Variants in CDH13 observed in about 807,000 individuals in gnomAD.
CDH13 encodes cadherin 13.
Under a neutral mutation model 63.8 loss-of-function variants are expected in CDH13, and 24 were observed. The observed-to-expected ratio is 0.38, with a 90% CI of 0.27 to 0.53. CDH13 has a LOEUF of 0.53. Among genes scored for constraint, CDH13 ranks in the 20% least tolerant of loss-of-function variants. The probability of loss-of-function intolerance (pLI) is 0.85; values close to 1 mark genes in which losing one functional copy is unlikely to be tolerated. For synonymous variants in CDH13, 503 were observed against 355.3 expected (o/e 1.42, Z -4.67); for missense variants, 1,049 against 903.1 (o/e 1.16, Z -2.07).
At chr16:82,941,130 G>A (rs1904281774) in intron 2 of CDH13, among the ~76,000 whole-genome samples, 1 of 152,198 alleles carries the variant, frequency 6.6e-6, no homozygotes, top group African/African-American at 2.4e-5. Flanking sequence ...AGCTCTGAAA[G>A]CTGACCAGAG....
At chr16:82,998,201 C>G (rs1912462221) in intron 2 of CDH13, among the ~76,000 whole-genome samples, 1 of 152,150 alleles carries the variant, frequency 6.6e-6, no homozygotes. Flanking sequence ...CCTCACTTTG[C>G]TTGTATCATT....
At chr16:83,384,656 G>A (rs993754769) in intron 6 of CDH13, among the ~76,000 whole-genome samples, 2 of 152,222 alleles carry the variant, frequency 1.3e-5, no homozygotes, top group Non-Finnish European at 2.9e-5. Flanking sequence ...TGGGATCCGA[G>A]GGTATGGAGA....
chr16:83,050,150 CT>C (rs1404511781), intron 3 of CDH13, among the ~76,000 whole-genome samples: 1 of 152,110 alleles, frequency 6.6e-6, no homozygotes, highest in African/African-American at 2.4e-5. Context: ...AAAAAAAACC[CT>C]GCTTATTGAC....
intron 1 of CDH13, among the ~76,000 whole-genome samples, chr16:82,808,698 A>G (rs566071196): frequency 2.0e-5 from 3 of 152,338 alleles, no homozygotes; most frequent in Admixed American, 6.5e-5. Flanking sequence ...GGCACAGGTT[A>G]GGCAATTTTA....
intron 5 of CDH13, among the ~76,000 whole-genome samples, chr16:83,331,861 A>T (rs1470088417): frequency 1.3e-5 from 2 of 152,100 alleles, no homozygotes; most frequent in Admixed American, 1.3e-4. Flanking sequence ...CTTTTATAAC[A>T]TTGTGTTGAT....
intron 8 of CDH13, among the ~76,000 whole-genome samples, chr16:83,626,480 C>G (rs1009188005): frequency 6.6e-6 from 1 of 152,132 alleles, no homozygotes; most frequent in Non-Finnish European, 1.5e-5. Flanking sequence ...TGCTGGGGAC[C>G]TAAAGATGAG....
At chr16:83,732,097 G>A (rs1252801066) in intron 10 of CDH13, among the ~76,000 whole-genome samples, 2 of 152,198 alleles carry the variant, frequency 1.3e-5, no homozygotes, top group African/African-American at 2.4e-5. Context: ...TAGCCCTGAG[G>A]ATAGCAGTGA....
chr16:83,006,276 C>A (rs1234666803), intron 2 of CDH13, among the ~76,000 whole-genome samples: 1 of 152,078 alleles, frequency 6.6e-6, no homozygotes, highest in African/African-American at 2.4e-5. Context: ...GCTTTTAGAC[C>A]CCAGTGATGA....
At chr16:82,847,895 C>CT (rs33934390) in intron 1 of CDH13, among the ~76,000 whole-genome samples, 71,144 of 139,852 alleles carry the variant, frequency 0.51, 19,729 homozygotes, top group Non-Finnish European at 0.65. Context: ...TTGTGCTTCA[C>CT]TTTTTTTTTT....
intron 5 of CDH13, among the ~76,000 whole-genome samples, chr16:83,254,127 G>C (rs1196974058): frequency 6.6e-6 from 1 of 152,186 alleles, no homozygotes; most frequent in African/African-American, 2.4e-5. Context: ...GTGGTAGCAA[G>C]CCAAGCACCC....
intron 6 of CDH13, among the ~76,000 whole-genome samples, chr16:83,464,323 G>A (rs2073255162): frequency 6.6e-6 from 1 of 152,030 alleles, no homozygotes; most frequent in Admixed American, 6.5e-5. Flanking sequence ...GACCAGCCTG[G>A]CCAACATGGT....
At chr16:83,755,061 C>T (rs76196335) in intron 11 of CDH13, among the ~76,000 whole-genome samples, 11,026 of 151,884 alleles carry the variant, frequency 0.073, 490 homozygotes, top group East Asian at 0.11. Flanking sequence ...CACACAAGAA[C>T]ATTAAAATAA....
chr16:82,755,242 G>T (rs893534979), intron 1 of CDH13, among the ~76,000 whole-genome samples: 2 of 152,124 alleles, frequency 1.3e-5, no homozygotes, highest in Non-Finnish European at 2.9e-5. Flanking sequence ...CTCACCTTAA[G>T]GCCTAAGTGA....
At chr16:82,941,592 A>G (rs1461549902) in intron 2 of CDH13, among the ~76,000 whole-genome samples, 1 of 152,198 alleles carries the variant, frequency 6.6e-6, no homozygotes, top group Non-Finnish European at 1.5e-5. Flanking sequence ...AGAAAGTTGT[A>G]TTTGGAGATT....
At chr16:83,574,734 C>G (rs370107209) in intron 7 of CDH13, among the ~76,000 whole-genome samples, 2 of 152,250 alleles carry the variant, frequency 1.3e-5, no homozygotes, top group South Asian at 2.1e-4. Flanking sequence ...CATACCAGGC[C>G]CTGTTAAGAT....
chr16:83,691,082 G>A (rs1233487624), intron 10 of CDH13, among the ~76,000 whole-genome samples: 3 of 23,742 alleles, frequency 1.3e-4, no homozygotes, highest in East Asian at 2.0e-3. Flanking sequence ...GTGTGTGTGT[G>A]TGTGTGTGTG....
chr16:83,074,925 T>C (rs2032714480), intron 3 of CDH13, among the ~76,000 whole-genome samples: 1 of 152,220 alleles, frequency 6.6e-6, no homozygotes, highest in Non-Finnish European at 1.5e-5. Context: ...ACACTTATAA[T>C]GAGGCTCACT....
At chr16:83,152,928 C>A (rs926136076) in intron 4 of CDH13, among the ~76,000 whole-genome samples, 6 of 152,064 alleles carry the variant, frequency 3.9e-5, no homozygotes, top group Non-Finnish European at 8.8e-5. Flanking sequence ...ACTGTGTGAG[C>A]AGGAAAGCAG....
intron 5 of CDH13, among the ~76,000 whole-genome samples, chr16:83,311,679 T>A (rs2151886014): frequency 6.6e-6 from 1 of 152,344 alleles, no homozygotes; most frequent in Non-Finnish European, 1.5e-5. Context: ...TGAACCCAAT[T>A]AGTCTGACTC....
Sources: gnomAD v4.1 joint callset for allele counts (sites outside exome capture counted in the v4.1 genomes callset) on GRCh38, gnomAD v4.1.1 for gene constraint, MANE v1.5 for transcripts, NCBI Gene and HGNC (gene_info 2026-07-23, HGNC 2026-07-21) for gene names.